DENND3: variants seen among roughly 807,000 people sequenced by gnomAD.
DENND3 encodes DENN domain containing 3, also known as DENN domain-containing protein 3.
DENND3 carries 88 observed loss-of-function variants against 135.1 expected under a neutral mutation model. That is an observed-to-expected ratio of 0.65 (90% CI 0.55 to 0.78). The LOEUF (loss-of-function observed/expected upper bound fraction) is 0.78. Ranked by LOEUF, DENND3 falls within the 30% of genes least tolerant of loss-of-function variation. The pLI is 0.00. For synonymous variants in DENND3, 693 were observed against 712.3 expected, an observed-to-expected ratio of 0.97 and a Z score of 0.43; for missense variants, 1,392 against 1,688.4, an observed-to-expected ratio of 0.82 and a Z score of 3.08.
At position 141,144,396 on chromosome 8, in the gene DENND3, C is replaced by T; in HGVS notation, c.735+137C>T. The T allele has an allele frequency of 1.2e-6, 1 of 862,642 alleles. No individual in the cohort carries two copies. The allele number at this position is 862,642 out of a possible 1,614,324, so 53.4% of individuals were successfully genotyped here. A position where few individuals can be genotyped will look rare whatever the true frequency, so the allele number is the denominator to read the frequency against. On this transcript the variant is annotated intron_variant, in intron 5 of 22. Coordinates refer to ENST00000519811, the MANE Select transcript of DENND3 (RefSeq NM_001352890.3). The surrounding 1 kb of genome is among the most constrained non-coding windows in gnomAD (Gnocchi z 4.4). ...TAAAATAACATCCTAACCCCCCCGC[C>T]TCCCCACAGCTGACTGACTGGACCC... is the stretch of plus-strand genomic sequence containing the variant.
At position 141,141,499 on chromosome 8, in the gene DENND3, T is replaced by G; in HGVS notation, c.623+175T>G. ...AGGAGGGGCAGTTCTCTGTGCCTCT[T>G]AGGCTGTTGCTTAAGGCTGGGGGCA... is the stretch of plus-strand genomic sequence containing the variant. On this transcript the variant is annotated intron_variant, in intron 4 of 22. Transcript: ENST00000519811. The surrounding 1 kb of genome is among the most constrained non-coding windows in gnomAD (Gnocchi z 5.3). The G allele has an allele frequency of 4.8e-6, 3 of 623,920 alleles. No individual in the cohort carries two copies. The highest frequency in any genetic ancestry group is 5.2e-6 in the Non-Finnish European group (2 of 387,636). The allele number at this position is 623,920 out of a possible 1,614,324, so 38.6% of individuals were successfully genotyped here.
intron 15 of DENND3, 142 bp from the exon 16 acceptor site, chr8:141,177,925 A>C: frequency 9.2e-7 from 1 of 1,081,646 alleles, no homozygotes; most frequent in Non-Finnish European, 1.3e-6. Flanking sequence ...CATAAAATCC[A>C]AATTCATCCG....
At chr8:141,134,766 T>G (rs766858685) in intron 1 of DENND3, among the ~76,000 whole-genome samples, 1 of 152,238 alleles carries the variant, frequency 6.6e-6, no homozygotes, top group Non-Finnish European at 1.5e-5. Flanking sequence ...TGCTGTGTCT[T>G]ATTGGAATGT....
Position 141,139,054 on chromosome 8 carries a change from C to T in DENND3, c.501+917C>T, listed in dbSNP as rs74647266. Among the ~76,000 whole-genome samples, 46 of 152,150 alleles carry T rather than the reference C, an allele frequency of 3.0e-4. No homozygotes were observed. The highest frequency in any genetic ancestry group is 3.4e-3 in the Middle Eastern group (1 of 294). ...GCCTTTGGGGAACTCGTAGGGGAAA[C>T]GATGTATCCAAAGGTGCAGGGTGAC... On this transcript the variant is annotated intron_variant, in intron 3 of 22. Transcript: ENST00000519811. This position sits in a 1 kb window ranked among gnomAD's most constrained non-coding sequence, Gnocchi z 4.2.
intron 4 of DENND3, among the ~76,000 whole-genome samples, chr8:141,143,266 T>G (rs560509806): frequency 6.6e-6 from 1 of 152,174 alleles, no homozygotes; most frequent in African/African-American, 2.4e-5. Flanking sequence ...TATGGGTAGT[T>G]TTTTTTAAAT....
chr8:141,157,067 C>G, intron 8 of DENND3, among the ~76,000 whole-genome samples: 1 of 152,264 alleles, frequency 6.6e-6, no homozygotes, highest in South Asian at 2.1e-4. Flanking sequence ...CAGGCATGAA[C>G]CACTGTGCCC....
Position 141,176,445 on chromosome 8 carries a change from C to T in DENND3, c.2536-146C>T, listed in dbSNP as rs547459636. On this transcript the variant is annotated intron_variant, in intron 14 of 22. Transcript: ENST00000519811. ...GTCCATGGGAACACTGCCCCTCACC[C>T]GGGGCCCTGCCTTCCACATGCCAGC... is the stretch of plus-strand genomic sequence containing the variant. The T allele has an allele frequency of 5.5e-4, 528 of 960,118 alleles. 4 individuals are homozygous for T. The highest frequency in any genetic ancestry group is 2.4e-3 in the South Asian group (155 of 64,938). 59.5% of individuals were successfully genotyped at this position (960,118 alleles called of 1,614,324 possible). A position where few individuals can be genotyped will look rare whatever the true frequency, so the allele number is the denominator to read the frequency against.
chr8:141,160,503 C>A, intron 8 of DENND3, 129 bp from the exon 9 acceptor site: 1 of 1,194,166 alleles, frequency 8.4e-7, no homozygotes, highest in Non-Finnish European at 1.1e-6. Context: ...TTAATGACCA[C>A]CCGCCCCTCA....
Position 141,137,911 on chromosome 8 carries a change from A to T in DENND3, c.386-111A>T. On this transcript the variant is annotated intron_variant, in intron 2 of 22. Transcript: ENST00000519811. The surrounding 1 kb of genome is among the most constrained non-coding windows in gnomAD (Gnocchi z 4.1). ...AACCCGCCTTGGACATGAAGGCACC[A>T]CCACTGCTAACTGTGGAGGTGTGTC... 9.5e-7 allele frequency: 1 copy of T among 1,055,696 alleles called. No individual in the cohort carries two copies. Among genetic ancestry groups the T allele is most frequent in the Non-Finnish European group, 1.4e-6 (1 of 726,814 alleles). 65.4% of individuals were successfully genotyped at this position (1,055,696 alleles called of 1,614,324 possible). A position where few individuals can be genotyped will look rare whatever the true frequency, so the allele number is the denominator to read the frequency against.
At position 141,140,387 on chromosome 8, in the gene DENND3, A is replaced by G. The variant is rs564473930; in HGVS notation, c.502-816A>G. Among the ~76,000 whole-genome samples, 18 of 152,362 alleles carry G rather than the reference A, an allele frequency of 1.2e-4. 1 individual carries two copies. The East Asian group carries it at 3.5e-3, about 29-fold the overall frequency. On this transcript the variant is annotated intron_variant, in intron 3 of 22. Coordinates refer to ENST00000519811, the MANE Select transcript of DENND3 (RefSeq NM_001352890.3). The stretch of plus-strand genomic sequence containing the variant: ...GCGTGTGAGCAGCTCAGCACCAGGC[A>G]TGACGTAAGCACTTTGTGTAGTCAT...
chr8:141,151,826 G>T lies in DENND3; in HGVS notation c.1063G>T (p.Glu355Ter). The change falls in exon 7 of 23, where the codon GAA becomes TAA. Residue 355 changes from glutamate to a stop codon, truncating the protein, a stop_gained. Coordinates refer to ENST00000519811, the MANE Select transcript of DENND3 (RefSeq NM_001352890.3). LOFTEE classifies it high-confidence loss of function. Reference protein sequence around the residue: ...LMGCHLDHFEEVSKEADGLVL... With the variant: ...LMGCHLDHFE ...GGGCTGCCATCTCGACCACTTCGAA[G>T]AAGTCAGCAAGGTTAGGTAGCGAAC... 1 of 1,614,190 alleles carries T rather than the reference G, an allele frequency of 6.2e-7. No individual in the cohort carries two copies. The highest frequency in any genetic ancestry group is 8.5e-7 in the Non-Finnish European group (1 of 1,180,044).
chr8:141,149,213 T>C (rs1818503052), intron 5 of DENND3, among the ~76,000 whole-genome samples: 2 of 152,216 alleles, frequency 1.3e-5, no homozygotes, highest in Admixed American at 1.3e-4. Flanking sequence ...CCCGGCCGAA[T>C]TTGCCTTATT....
At chr8:141,140,568 T>C (rs1817325275) in intron 3 of DENND3, among the ~76,000 whole-genome samples, 1 of 152,206 alleles carries the variant, frequency 6.6e-6, no homozygotes, top group Non-Finnish European at 1.5e-5. Context: ...TTAAATTTTG[T>C]TAGATAGACA....
chr8:141,192,275 C>A (rs760253213), intron 20 of DENND3, 56 bp from the exon 21 acceptor site: 31 of 1,597,200 alleles, frequency 1.9e-5, no homozygotes, highest in Non-Finnish European at 2.4e-5. Context: ...CTGGTGCTGG[C>A]GTCTTATGTT....
intron 18 of DENND3, among the ~76,000 whole-genome samples, chr8:141,187,012 G>A (rs1304045775): frequency 6.6e-6 from 1 of 152,082 alleles, no homozygotes; most frequent in African/African-American, 2.4e-5. Context: ...TCCTGTTCTT[G>A]CTCATGGATT....
At chr8:141,164,735 G>A (rs937528977) in intron 10 of DENND3, among the ~76,000 whole-genome samples, 1 of 152,166 alleles carries the variant, frequency 6.6e-6, no homozygotes, top group African/African-American at 2.4e-5. Flanking sequence ...AGCCCTGCCC[G>A]AGGCTTCCAG....
At chr8:141,163,458 G>A (rs773324168) in intron 10 of DENND3, 29 bp downstream of exon 10, 40 of 1,392,612 alleles carry the variant, frequency 2.9e-5, no homozygotes, top group Non-Finnish European at 3.7e-5. Context: ...GGGTGTGCCT[G>A]TGTGTGTTCA....
At position 141,150,788 on chromosome 8, in the gene DENND3, G is replaced by A. The variant is rs751708026; in HGVS notation, c.736-46G>A. 3 of 1,541,812 alleles carry A rather than the reference G, an allele frequency of 1.9e-6. No homozygotes were observed. The South Asian group carries it at 3.8e-5, about 19-fold the overall frequency. On this transcript the variant is annotated intron_variant, in intron 5 of 22. Coordinates refer to ENST00000519811, the MANE Select transcript of DENND3 (RefSeq NM_001352890.3). ...GTGACAGTAGTGCACGTCAGCCTCT[G>A]CCCGGAGCAGCTCTCTGAACTAATG...
At position 141,195,738 on chromosome 8, in the gene DENND3, T is replaced by TA. The variant is rs1825245889; in HGVS notation, c.*1507dup. ...GTCAAAAATACATTTATAAATTATT[T>TA]AATGCCAGTCCTCATGTAACCTCAG... On this transcript the variant is annotated 3_prime_UTR_variant, in exon 23 of 23. Coordinates refer to ENST00000519811, the MANE Select transcript of DENND3 (RefSeq NM_001352890.3). 6.6e-6 allele frequency: 1 copy of TA among 152,196 alleles called. No individual in the cohort carries two copies. Among genetic ancestry groups the TA allele is most frequent in the South Asian group, 2.1e-4 (1 of 4,834 alleles). 9.4% of individuals were successfully genotyped at this position (152,196 alleles called of 1,614,324 possible).
Sources: allele counts gnomAD v4.1 joint callset (sites outside exome capture counted in the v4.1 genomes callset), GRCh38; gene constraint gnomAD v4.1.1; non-coding constraint Gnocchi (gnomAD v3.1); transcripts MANE v1.5; gene names NCBI Gene and HGNC (gene_info 2026-07-23, HGNC 2026-07-21).